The following ADNP2 variants were observed in gnomAD, a reference collection of about 807,000 sequenced individuals.
The protein encoded by ADNP2 is activity-dependent neuroprotector homeobox protein 2.
Under a neutral mutation model 16.4 loss-of-function variants are expected in ADNP2, and 8 were observed. The observed-to-expected ratio is 0.49, with a 90% CI of 0.29 to 0.88. The LOEUF (loss-of-function observed/expected upper bound fraction) is 0.88. Ranked by LOEUF, ADNP2 falls within the 40% of genes least tolerant of loss-of-function variation. The pLI is 0.09. For missense variants in ADNP2, 1,397 were observed against 1,395.1 expected (o/e 1.00, Z -0.02); for synonymous variants, 637 against 545.8 (o/e 1.17, Z -2.33).
At chr18:80,128,779 C>T (rs1414245710) in intron 2 of ADNP2, among the ~76,000 whole-genome samples, 1 of 152,006 alleles carries the variant, frequency 6.6e-6, no homozygotes, top group Non-Finnish European at 1.5e-5. Context: ...AACTATTTTT[C>T]TGTAGCTTTT....
intron 1 of ADNP2, among the ~76,000 whole-genome samples, chr18:80,111,280 C>T (rs2052355143): frequency 2.0e-5 from 3 of 152,180 alleles, no homozygotes; most frequent in Admixed American, 2.0e-4. Context: ...TAATAGCAAA[C>T]TCAGTGCTTA....
chr18:80,118,966 GT>G, intron 2 of ADNP2, among the ~76,000 whole-genome samples: 1 of 152,212 alleles, frequency 6.6e-6, no homozygotes, highest in African/African-American at 2.4e-5. Context: ...TAATACAGAA[GT>G]TTTTTATAGG....
chr18:80,110,139 C>T (rs1007984368), intron 1 of ADNP2: 2 of 152,172 alleles, frequency 1.3e-5, no homozygotes, highest in African/African-American at 4.8e-5. Context: ...ATGCGAATAT[C>T]AATAATTGAT....
At chr18:80,130,787 C>T (rs947789734) in intron 2 of ADNP2, among the ~76,000 whole-genome samples, 1 of 140,498 alleles carries the variant, frequency 7.1e-6, no homozygotes, top group East Asian at 2.3e-4. Context: ...GAGCTCTCTG[C>T]GTTATACTCC....
At chr18:80,111,140 G>T (rs1009142110) in intron 1 of ADNP2, among the ~76,000 whole-genome samples, 1 of 152,142 alleles carries the variant, frequency 6.6e-6, no homozygotes, top group Non-Finnish European at 1.5e-5. Flanking sequence ...GTGGAAACCG[G>T]TATCTCCCAG....
chr18:80,115,928 T>G (rs1408887794), intron 1 of ADNP2, among the ~76,000 whole-genome samples: 1 of 152,096 alleles, frequency 6.6e-6, no homozygotes, highest in African/African-American at 2.4e-5. Context: ...GGTGCCCAGC[T>G]AATTTTTTGT....
At chr18:80,117,250 C>T (rs1016452771) in intron 1 of ADNP2, among the ~76,000 whole-genome samples, 1 of 151,892 alleles carries the variant, frequency 6.6e-6, no homozygotes, top group South Asian at 2.1e-4. Context: ...AATTCCTTGC[C>T]GAATCTAAGG....
chr18:80,118,473 A>G lies in ADNP2; in HGVS notation c.108+823A>G, dbSNP rs770833705. Among the ~76,000 whole-genome samples the G allele has an allele frequency of 5.6e-4, 85 of 152,182 alleles. No homozygotes were observed. In the Middle Eastern group the frequency reaches 0.01, roughly 18 times the overall value. ...CTTATATATCCTTGTAGTCATTGGTAATGACATTTTTGTCTCGTCTAATCA... is the reference window on the plus strand; with the variant it reads ...CTTATATATCCTTGTAGTCATTGGTGATGACATTTTTGTCTCGTCTAATCA... On this transcript the variant is annotated intron_variant, in intron 2 of 3. Coordinates refer to ENST00000262198, the MANE Select transcript of ADNP2 (RefSeq NM_014913.4).
At chr18:80,130,366 C>T (rs946444423) in intron 2 of ADNP2, among the ~76,000 whole-genome samples, 13 of 152,252 alleles carry the variant, frequency 8.5e-5, no homozygotes, top group Admixed American at 4.6e-4. Context: ...GGACTTGATA[C>T]GTCTTTATGC....
At chr18:80,116,929 G>A (rs949382366) in intron 1 of ADNP2, among the ~76,000 whole-genome samples, 2 of 152,354 alleles carry the variant, frequency 1.3e-5, no homozygotes, top group South Asian at 2.1e-4. Flanking sequence ...ACAGGCGTGA[G>A]CCACTGTTCC....
intron 1 of ADNP2, among the ~76,000 whole-genome samples, chr18:80,112,588 TC>T (rs2145188751): frequency 6.6e-6 from 1 of 152,178 alleles, no homozygotes; most frequent in East Asian, 1.9e-4. Flanking sequence ...TTTTTCAAAT[TC>T]AAGGGAAAAA....
intron 2 of ADNP2, among the ~76,000 whole-genome samples, chr18:80,128,376 G>A (rs1321765676): frequency 6.6e-6 from 1 of 152,208 alleles, no homozygotes; most frequent in Non-Finnish European, 1.5e-5. Flanking sequence ...ACTTGGCCAG[G>A]TGCGGTGGCT....
rs199808146 is a variant in ADNP2 at position 80,138,579 on chromosome 18, C to T, written c.3166C>T (p.Gln1056Ter). 1 of 1,609,368 alleles carries T rather than the reference C, an allele frequency of 6.2e-7. No homozygotes were observed. Among genetic ancestry groups the T allele is most frequent in the Non-Finnish European group, 8.5e-7 (1 of 1,178,986 alleles). Residue 1056 changes from glutamine (Q) to a stop codon, truncating the protein, a stop_gained, in exon 4 of 4, where the codon CAA (glutamine) becomes TAA (stop). Transcript: ENST00000262198. LOFTEE classifies it high-confidence loss of function. ...AGGCCGTTCTTATGAAGAAAAGAAG[C>T]AATTTCTTAAAGATTATTTCCATAA... ...YEGRSYEEKK[Q>*]FLKDYFHKKP...
chr18:80,134,995 G>A (rs1014950671), intron 3 of ADNP2, among the ~76,000 whole-genome samples: 3 of 152,150 alleles, frequency 2.0e-5, no homozygotes, highest in African/African-American at 7.2e-5. Context: ...TTTAGAATTT[G>A]GAGCAAAAAC....
intron 1 of ADNP2, among the ~76,000 whole-genome samples, chr18:80,110,850 G>A (rs189226475): frequency 9.9e-5 from 15 of 152,266 alleles, no homozygotes; most frequent in Non-Finnish European, 1.6e-4. Flanking sequence ...TTGTCCTACC[G>A]GCCCTCTAGT....
At chr18:80,127,339 GTTT>G (rs35560770) in intron 2 of ADNP2, among the ~76,000 whole-genome samples, 1 of 102,190 alleles carries the variant, frequency 9.8e-6, no homozygotes, top group African/African-American at 4.0e-5. Context: ...GGTTTTTTCA[GTTT>G]TTTTTTTTTT....
intron 2 of ADNP2, among the ~76,000 whole-genome samples, chr18:80,130,015 A>C (rs572953434): frequency 1.3e-5 from 2 of 152,300 alleles, no homozygotes; most frequent in African/African-American, 4.8e-5. Flanking sequence ...GACTTTTCAA[A>C]GTGAGTAGTT....
chr18:80,132,191 T>C (rs1267837356), intron 2 of ADNP2, among the ~76,000 whole-genome samples: 3 of 152,208 alleles, frequency 2.0e-5, no homozygotes, highest in Non-Finnish European at 2.9e-5. Flanking sequence ...TTTCCTCAGA[T>C]TTCATACTTA....
At chr18:80,111,452 G>A (rs755914247) in intron 1 of ADNP2, among the ~76,000 whole-genome samples, 1 of 152,054 alleles carries the variant, frequency 6.6e-6, no homozygotes, top group Non-Finnish European at 1.5e-5. Context: ...GTAAACCCGG[G>A]CACACAACTC....
Sources: allele counts gnomAD v4.1 joint callset (sites outside exome capture counted in the v4.1 genomes callset), GRCh38; gene constraint gnomAD v4.1.1; transcripts MANE v1.5; gene names NCBI Gene and HGNC (gene_info 2026-07-23, HGNC 2026-07-21).